RAI14: variants seen among roughly 807,000 people sequenced by gnomAD.
The protein encoded by RAI14 is ankycorbin.
A neutral mutation model predicts 115.4 loss-of-function variants in RAI14; 45 were observed. The observed-to-expected ratio is 0.39, with a 90% CI of 0.31 to 0.50. RAI14 has a LOEUF of 0.50. Ranked by LOEUF, RAI14 falls within the 20% of genes least tolerant of loss-of-function variation. The probability of loss-of-function intolerance (pLI) is 0.85; values close to 1 mark genes in which losing one functional copy is unlikely to be tolerated. For missense variants in RAI14, 939 were observed against 1,131.2 expected (o/e 0.83, Z 2.44); for synonymous variants, 371 against 415.4 (o/e 0.89, Z 1.30).
intron 1 of RAI14, among the ~76,000 whole-genome samples, chr5:34,682,729 G>T (rs1744479802): frequency 6.6e-6 from 1 of 152,192 alleles, no homozygotes; most frequent in African/African-American, 2.4e-5. Context: ...CAGTGGGTAG[G>T]TGTGCTTTAT....
At position 34,808,470 on chromosome 5, in the gene RAI14, G is replaced by C. The variant is rs1017018998; in HGVS notation, c.380-114G>C. On this transcript the variant is annotated intron_variant, in intron 6 of 17. Transcript: ENST00000265109. ...ACCATTTCTCTTCAATGCAACTAGA[G>C]TGAATATATGTAGAGTGGGTAGAAC... 3.3e-6 allele frequency: 3 copies of C among 913,692 alleles called. No homozygotes were observed. In the African/African-American group the frequency reaches 5.0e-5, roughly 15 times the overall value. The allele number at this position is 913,692 out of a possible 1,614,324, so 56.6% of individuals were successfully genotyped here.
intron 2 of RAI14, among the ~76,000 whole-genome samples, chr5:34,701,037 G>A (rs150904027): frequency 6.6e-6 from 1 of 152,254 alleles, no homozygotes; most frequent in African/African-American, 2.4e-5. Flanking sequence ...TTCGGTCCTG[G>A]TTTTGATGGG....
intron 3 of RAI14, among the ~76,000 whole-genome samples, chr5:34,790,987 A>G (rs1225858514): frequency 1.3e-5 from 2 of 152,096 alleles, no homozygotes; most frequent in African/African-American, 4.8e-5. Context: ...CGTCAAGTAG[A>G]ATGAATGAAA....
chr5:34,707,325 G>A (rs573085035), intron 2 of RAI14, among the ~76,000 whole-genome samples: 2 of 152,294 alleles, frequency 1.3e-5, no homozygotes, highest in East Asian at 1.9e-4. Context: ...AAATTAGCCC[G>A]ACGTGGTGTC....
At chr5:34,750,847 C>CCTTTTTTT (rs1561309335) in intron 2 of RAI14, among the ~76,000 whole-genome samples, 2 of 62,452 alleles carry the variant, frequency 3.2e-5, no homozygotes, top group African/African-American at 7.6e-5. Flanking sequence ...TTTGCTTTAT[C>CCTTTTTTT]ATTTTTTTTT....
intron 14 of RAI14, among the ~76,000 whole-genome samples, chr5:34,822,664 C>CTTTTTTTTTTTTT (rs143092935): frequency 2.1e-5 from 1 of 47,534 alleles, no homozygotes; most frequent in African/African-American, 6.6e-5. Context: ...CCTTTGGTAT[C>CTTTTTTTTTTTTT]TTTTTTTTTT....
intron 2 of RAI14, among the ~76,000 whole-genome samples, chr5:34,722,571 C>A (rs749991069): frequency 7.2e-5 from 11 of 152,064 alleles, no homozygotes; most frequent in Non-Finnish European, 1.6e-4. Flanking sequence ...CTCTGCCAGG[C>A]GTGATGGCTC....
intron 3 of RAI14, among the ~76,000 whole-genome samples, chr5:34,794,188 T>G (rs868021811): frequency 2.6e-5 from 4 of 152,148 alleles, no homozygotes; most frequent in Admixed American, 1.3e-4. Context: ...TTTGGGAGAC[T>G]GAGGTGTGTG....
intron 1 of RAI14, among the ~76,000 whole-genome samples, chr5:34,673,001 G>A (rs1171044770): frequency 1.3e-5 from 2 of 152,100 alleles, no homozygotes; most frequent in Non-Finnish European, 2.9e-5. Context: ...TCAAGTCCCA[G>A]GAGAGCAGAG....
At chr5:34,779,327 C>G (rs966671950) in intron 3 of RAI14, among the ~76,000 whole-genome samples, 7 of 152,154 alleles carry the variant, frequency 4.6e-5, no homozygotes, top group African/African-American at 1.7e-4. Context: ...CAGGGATGCC[C>G]TCTCTCACCA....
At chr5:34,720,003 A>T (rs1473859588) in intron 2 of RAI14, among the ~76,000 whole-genome samples, 2 of 152,202 alleles carry the variant, frequency 1.3e-5, no homozygotes, top group African/African-American at 4.8e-5. Context: ...TTAAAAAAAA[A>T]TTTAAATAAT....
chr5:34,691,758 G>A (rs966208940), intron 2 of RAI14, among the ~76,000 whole-genome samples: 6 of 152,098 alleles, frequency 3.9e-5, no homozygotes, highest in African/African-American at 1.2e-4. Flanking sequence ...ATATTTCATT[G>A]TAATAGGGAA....
rs531669721 is a variant in RAI14, at chr5:34,817,494, T to C, written c.940-1303T>C. ...TGATCCAGCCATCCACTCATAGGTG[T>C]TTACCAAAATAAATGAAATTGTATG... On this transcript the variant is annotated intron_variant, in intron 12 of 17. Transcript: ENST00000265109. 2.0e-5 allele frequency among the ~76,000 whole-genome samples: 3 copies of C among 152,164 alleles called. No homozygotes were observed. In the South Asian group the frequency reaches 6.2e-4, roughly 32 times the overall value.
At chr5:34,692,483 G>A (rs967084133) in intron 2 of RAI14, among the ~76,000 whole-genome samples, 3 of 151,944 alleles carry the variant, frequency 2.0e-5, no homozygotes, top group Non-Finnish European at 2.9e-5. Flanking sequence ...GCAGTGAGCC[G>A]AGATCACGCC....
At chr5:34,659,391 C>T (rs960540345) in intron 1 of RAI14, among the ~76,000 whole-genome samples, 1 of 152,148 alleles carries the variant, frequency 6.6e-6, no homozygotes, top group African/African-American at 2.4e-5. Context: ...CCTCATCCTC[C>T]AAAGTGGCTG....
At chr5:34,783,589 T>TTA (rs1350293068) in intron 3 of RAI14, among the ~76,000 whole-genome samples, 1 of 152,208 alleles carries the variant, frequency 6.6e-6, no homozygotes, top group East Asian at 1.9e-4. Flanking sequence ...GTTCAGCTGC[T>TTA]GACAGCATCT....
At chr5:34,688,100 G>T (rs1738075273) in intron 2 of RAI14, 1 of 1,459,572 alleles carries the variant, frequency 6.9e-7, no homozygotes, top group Non-Finnish European at 9.1e-7. Flanking sequence ...AGTGCAAAGA[G>T]ACTTCGACAA....
intron 2 of RAI14, among the ~76,000 whole-genome samples, chr5:34,692,657 C>G (rs1738781415): frequency 6.6e-6 from 1 of 151,744 alleles, no homozygotes; most frequent in Non-Finnish European, 1.5e-5. Context: ...CAGCAATGAC[C>G]CCACTGGGTG....
At chr5:34,666,062 A>T (rs1485070652) in intron 1 of RAI14, among the ~76,000 whole-genome samples, 1 of 152,158 alleles carries the variant, frequency 6.6e-6, no homozygotes, top group East Asian at 1.9e-4. Flanking sequence ...TCTAAGGATG[A>T]GTCTTAAGTT....
Sources: gnomAD v4.1 joint callset for allele counts (sites outside exome capture counted in the v4.1 genomes callset) on GRCh38, gnomAD v4.1.1 for gene constraint, MANE v1.5 for transcripts, NCBI Gene and HGNC (gene_info 2026-07-23, HGNC 2026-07-21) for gene names.